The following ZIM2 variants were observed in gnomAD, a reference collection of about 807,000 sequenced individuals.
ZIM2 encodes the protein zinc finger protein 656.
A neutral mutation model predicts 38.6 loss-of-function variants in ZIM2; 14 were observed. That is an observed-to-expected ratio of 0.36 (90% CI 0.24 to 0.57). The LOEUF is 0.57. Among genes scored for constraint, ZIM2 ranks in the 20% least tolerant of loss-of-function variants. The pLI, the probability that ZIM2 is intolerant of heterozygous loss-of-function variation, is 0.81. For missense variants in ZIM2, 680 were observed against 695.1 expected (o/e 0.98, Z 0.24); for synonymous variants, 247 against 245.8 (o/e 1.00, Z -0.04).
At chr19:56,793,453 A>G (rs2145933567) in intron 9 of ZIM2, among the ~76,000 whole-genome samples, 1 of 152,312 alleles carries the variant, frequency 6.6e-6, no homozygotes, top group South Asian at 2.1e-4. Context: ...GCAGGGCTGT[A>G]TCAGCTGAAA....
At chr19:56,795,990 T>C (rs1165916813) in intron 9 of ZIM2, among the ~76,000 whole-genome samples, 1 of 152,196 alleles carries the variant, frequency 6.6e-6, no homozygotes, top group Non-Finnish European at 1.5e-5. Context: ...CGGTAGTCAG[T>C]GAAAACCCTT....
At chr19:56,813,546 G>A in intron 9 of ZIM2, 1 of 1,446,186 alleles carries the variant, frequency 6.9e-7, no homozygotes, top group Non-Finnish European at 9.1e-7. Context: ...GTTTAGAGAT[G>A]TTAAGTCAGG....
intron 1 of ZIM2, among the ~76,000 whole-genome samples, chr19:56,839,245 A>AGCC (rs2062642606): frequency 3.4e-5 from 5 of 148,916 alleles, no homozygotes; most frequent in Admixed American, 6.7e-5. Context: ...CCTGCGCAGC[A>AGCC]AACTCCAGCA....
intron 9 of ZIM2, among the ~76,000 whole-genome samples, chr19:56,804,516 C>G (rs1190656597): frequency 1.3e-5 from 2 of 152,222 alleles, no homozygotes; most frequent in African/African-American, 2.4e-5. Flanking sequence ...GACTATTATT[C>G]CTACCTAATG....
intron 1 of ZIM2, among the ~76,000 whole-genome samples, chr19:56,838,766 GACCA>G (rs2062534653): frequency 1.3e-5 from 2 of 152,192 alleles, no homozygotes; most frequent in Non-Finnish European, 2.9e-5. Flanking sequence ...ACAGCCTGGC[GACCA>G]GCACACACAG....
At chr19:56,834,172 G>A (rs2061847637) in intron 2 of ZIM2, among the ~76,000 whole-genome samples, 2 of 152,058 alleles carry the variant, frequency 1.3e-5, no homozygotes, top group Non-Finnish European at 2.9e-5. Context: ...TTTTTAAGGG[G>A]AGGGAGTACT....
At chr19:56,806,779 A>C (rs1043996460) in intron 9 of ZIM2, among the ~76,000 whole-genome samples, 1 of 152,182 alleles carries the variant, frequency 6.6e-6, no homozygotes, top group Admixed American at 6.5e-5. Flanking sequence ...GAATGGGATT[A>C]GTGCCCTTAT....
intron 12 of ZIM2, among the ~76,000 whole-genome samples, chr19:56,777,544 G>C (rs1157672432): frequency 6.6e-6 from 1 of 152,138 alleles, no homozygotes; most frequent in Non-Finnish European, 1.5e-5. Flanking sequence ...GATCTTTCTA[G>C]AATAGCACTG....
chr19:56,838,089 G>A (rs758763797), intron 1 of ZIM2, among the ~76,000 whole-genome samples: 17 of 152,328 alleles, frequency 1.1e-4, no homozygotes, highest in Non-Finnish European at 5.9e-5. Flanking sequence ...GCCACCTAAT[G>A]GCCAGCAAAG....
intron 9 of ZIM2, among the ~76,000 whole-genome samples, chr19:56,801,005 G>A (rs556592971): frequency 2.5e-4 from 37 of 148,130 alleles, no homozygotes; most frequent in African/African-American, 5.5e-4. Context: ...GCACGATCTC[G>A]GCTCACTGCA....
At chr19:56,815,452 G>A in intron 9 of ZIM2, 3 of 1,614,114 alleles carry the variant, frequency 1.9e-6, no homozygotes, top group Non-Finnish European at 2.5e-6. Flanking sequence ...TCTGCTTCCA[G>A]AGGGCTTCTC....
At chr19:56,815,425 A>T in intron 9 of ZIM2, 1 of 1,614,110 alleles carries the variant, frequency 6.2e-7, no homozygotes, top group Non-Finnish European at 8.5e-7. Flanking sequence ...GCTGCGAATG[A>T]CAGACCATTC....
chr19:56,800,999 G>T (rs1031967244), intron 9 of ZIM2, among the ~76,000 whole-genome samples: 1 of 147,974 alleles, frequency 6.8e-6, no homozygotes. Context: ...GCAGTGGCAC[G>T]ATCTCGGCTC....
At chr19:56,804,475 A>G (rs2047666786) in intron 9 of ZIM2, among the ~76,000 whole-genome samples, 2 of 152,220 alleles carry the variant, frequency 1.3e-5, no homozygotes, top group Non-Finnish European at 2.9e-5. Flanking sequence ...TCTTCAGGTA[A>G]GCAATGAGTA....
intron 2 of ZIM2, among the ~76,000 whole-genome samples, chr19:56,830,690 T>G (rs1487150481): frequency 2.0e-5 from 3 of 152,208 alleles, no homozygotes; most frequent in African/African-American, 7.2e-5. Flanking sequence ...TTCCCATTAA[T>G]AGCAAAACAA....
chr19:56,821,559 G>C, intron 7 of ZIM2, 92 bp downstream of exon 7: 5 of 1,493,456 alleles, frequency 3.3e-6, no homozygotes, highest in Non-Finnish European at 4.6e-6. Flanking sequence ...TGGACTCTAG[G>C]GGGCAGATAA....
chr19:56,830,033 G>A (rs894393386), intron 2 of ZIM2, among the ~76,000 whole-genome samples: 5 of 152,190 alleles, frequency 3.3e-5, no homozygotes, highest in African/African-American at 4.8e-5. Flanking sequence ...TCTGCCTGAG[G>A]ATGGCCTAAA....
intron 9 of ZIM2, among the ~76,000 whole-genome samples, chr19:56,802,163 G>C (rs956228164): frequency 6.6e-6 from 1 of 152,138 alleles, no homozygotes; most frequent in African/African-American, 2.4e-5. Flanking sequence ...GACAGGTCCT[G>C]GGGACTCCTC....
At chr19:56,830,848 C>T (rs1010531081) in intron 2 of ZIM2, among the ~76,000 whole-genome samples, 2 of 151,820 alleles carry the variant, frequency 1.3e-5, no homozygotes, top group Non-Finnish European at 2.9e-5. Flanking sequence ...TGCAGGGGGG[C>T]CCTGGGAGGT....
Sources: gnomAD v4.1 joint callset for allele counts (sites outside exome capture counted in the v4.1 genomes callset) on GRCh38, gnomAD v4.1.1 for gene constraint, MANE v1.5 for transcripts, NCBI Gene and HGNC (gene_info 2026-07-23, HGNC 2026-07-21) for gene names.